The following ZNF804A variants were observed in gnomAD, a reference collection of about 807,000 sequenced individuals.
ZNF804A encodes zinc finger protein 804A.
Under a neutral mutation model 16.5 loss-of-function variants are expected in ZNF804A, and 2 were observed. The ratio of observed to expected loss-of-function variants is 0.12; its 90% CI spans 0.05 to 0.38. ZNF804A has a LOEUF of 0.38. ZNF804A is among the 10% of genes least tolerant of loss of function. The probability of loss-of-function intolerance (pLI) is 0.99; values close to 1 mark genes in which losing one functional copy is unlikely to be tolerated. For missense variants in ZNF804A, 1,473 were observed against 1,390.7 expected (o/e 1.06, Z -0.94); for synonymous variants, 534 against 489.6 (o/e 1.09, Z -1.20).
intron 2 of ZNF804A, among the ~76,000 whole-genome samples, chr2:184,870,181 A>T (rs1695952662): frequency 6.6e-6 from 1 of 152,018 alleles, no homozygotes; most frequent in Non-Finnish European, 1.5e-5. Flanking sequence ...ATTCATTTTG[A>T]GATTTTATAT....
chr2:184,611,435 G>A (rs983454512), intron 1 of ZNF804A, among the ~76,000 whole-genome samples: 1 of 151,632 alleles, frequency 6.6e-6, no homozygotes, highest in African/African-American at 2.4e-5. Flanking sequence ...TTTAGGGCAT[G>A]AATATTTAGC....
At chr2:184,819,767 C>T (rs1390018820) in intron 1 of ZNF804A, among the ~76,000 whole-genome samples, 1 of 151,964 alleles carries the variant, frequency 6.6e-6, no homozygotes, top group Non-Finnish European at 1.5e-5. Flanking sequence ...ATAAAAACAA[C>T]CATCACAGAA....
At chr2:184,652,227 G>A (rs148620200) in intron 1 of ZNF804A, among the ~76,000 whole-genome samples, 107 of 152,156 alleles carry the variant, frequency 7.0e-4, no homozygotes, top group African/African-American at 2.5e-3. Flanking sequence ...ATAAATTTGA[G>A]CTAAATATTG....
At chr2:184,728,823 T>C (rs1693465022) in intron 1 of ZNF804A, among the ~76,000 whole-genome samples, 1 of 151,988 alleles carries the variant, frequency 6.6e-6, no homozygotes, top group East Asian at 1.9e-4. Context: ...TTATATATAC[T>C]ACATTTTTTA....
chr2:184,731,266 A>G (rs1422383248), intron 1 of ZNF804A, among the ~76,000 whole-genome samples: 1 of 147,214 alleles, frequency 6.8e-6, no homozygotes, highest in African/African-American at 2.5e-5. Flanking sequence ...AAAAAAAAAA[A>G]AAAAAAAAAA....
intron 2 of ZNF804A, among the ~76,000 whole-genome samples, chr2:184,892,562 G>GCAACCTC (rs1369014558): frequency 1.5e-5 from 2 of 134,264 alleles, no homozygotes; most frequent in Non-Finnish European, 3.1e-5. Context: ...TCGGCTTACT[G>GCAACCTC]CAACCTCCGC....
intron 1 of ZNF804A, among the ~76,000 whole-genome samples, chr2:184,622,557 A>G (rs1283400126): frequency 2.0e-5 from 3 of 151,852 alleles, no homozygotes; most frequent in Admixed American, 2.0e-4. Context: ...CTTTCATTCT[A>G]TTGAAACCAA....
chr2:184,831,286 T>C (rs1695258662), intron 1 of ZNF804A, among the ~76,000 whole-genome samples: 1 of 152,030 alleles, frequency 6.6e-6, no homozygotes, highest in South Asian at 2.1e-4. Flanking sequence ...TCAGTTTTTT[T>C]TGCATTTTTT....
At chr2:184,638,670 G>A (rs1691742467) in intron 1 of ZNF804A, among the ~76,000 whole-genome samples, 1 of 152,100 alleles carries the variant, frequency 6.6e-6, no homozygotes, top group East Asian at 1.9e-4. Flanking sequence ...ATTATGGATT[G>A]TCACTGAATG....
chr2:184,860,722 A>G (rs776124005), intron 1 of ZNF804A, among the ~76,000 whole-genome samples: 1 of 152,226 alleles, frequency 6.6e-6, no homozygotes, highest in African/African-American at 2.4e-5. Context: ...AGGCAGTGGC[A>G]TGGCAATGGC....
intron 1 of ZNF804A, among the ~76,000 whole-genome samples, chr2:184,678,670 A>G (rs1692481101): frequency 1.3e-5 from 2 of 152,150 alleles, no homozygotes; most frequent in Admixed American, 6.6e-5. Flanking sequence ...CCAAATAATA[A>G]TCTTCTACCT....
chr2:184,625,071 A>T (rs942350613), intron 1 of ZNF804A, among the ~76,000 whole-genome samples: 1 of 152,170 alleles, frequency 6.6e-6, no homozygotes, highest in East Asian at 1.9e-4. Flanking sequence ...AAACAATTTA[A>T]TCTTTCAGAA....
intron 1 of ZNF804A, among the ~76,000 whole-genome samples, chr2:184,742,664 A>C (rs2105753631): frequency 7.6e-6 from 1 of 131,058 alleles, no homozygotes; most frequent in Admixed American, 7.0e-5. Context: ...AAATATTTGT[A>C]AATTATTTGT....
chr2:184,726,732 T>C (rs1693418360), intron 1 of ZNF804A, among the ~76,000 whole-genome samples: 1 of 151,556 alleles, frequency 6.6e-6, no homozygotes, highest in African/African-American at 2.4e-5. Flanking sequence ...ATTTATTATT[T>C]AAATATATAT....
At position 184,604,146 on chromosome 2, in the gene ZNF804A, C is replaced by CTTTTT. The variant is rs759053144; in HGVS notation, c.111+5113_111+5117dup. The stretch of plus-strand genomic sequence containing the variant: ...TTCAGGTTATGGATGACTGCAATTA[C>CTTTTT]TTTTTTTTTTTTTTTTTTTTTTTTT... On this transcript the variant is annotated intron_variant, in intron 1 of 3. Coordinates refer to ENST00000302277, the MANE Select transcript of ZNF804A (RefSeq NM_194250.2). Among the ~76,000 whole-genome samples the CTTTTT allele has an allele frequency of 7.7e-3, 346 of 44,890 alleles. 116 individuals are homozygous for CTTTTT. The highest frequency in any genetic ancestry group is 0.011 in the Non-Finnish European group (247 of 22,810). The allele number at this position is 44,890 out of a possible 152,430, so 29.4% of individuals were successfully genotyped here. A position where few individuals can be genotyped will look rare whatever the true frequency, so the allele number is the denominator to read the frequency against.
chr2:184,857,862 C>A (rs1455385115), intron 1 of ZNF804A, among the ~76,000 whole-genome samples: 2 of 151,928 alleles, frequency 1.3e-5, no homozygotes, highest in African/African-American at 4.8e-5. Context: ...TGAAATGAAT[C>A]TCTTAAAGGA....
At chr2:184,928,607 G>A (rs577199647) in intron 2 of ZNF804A, among the ~76,000 whole-genome samples, 12 of 152,050 alleles carry the variant, frequency 7.9e-5, no homozygotes, top group Non-Finnish European at 1.5e-4. Context: ...AGACTGCCGC[G>A]AGTTGAATAA....
chr2:184,631,717 T>C (rs1436929955), intron 1 of ZNF804A, among the ~76,000 whole-genome samples: 2 of 152,218 alleles, frequency 1.3e-5, no homozygotes, highest in Non-Finnish European at 2.9e-5. Context: ...GTTATGTTGA[T>C]GTCTAATTTT....
chr2:184,731,650 G>T (rs1284072117), intron 1 of ZNF804A, among the ~76,000 whole-genome samples: 2 of 143,562 alleles, frequency 1.4e-5, no homozygotes, highest in Admixed American at 7.4e-5. Flanking sequence ...TCTCACTGCA[G>T]CCTCAACCTC....
Sources: allele counts gnomAD v4.1 joint callset (sites outside exome capture counted in the v4.1 genomes callset), GRCh38; gene constraint gnomAD v4.1.1; transcripts MANE v1.5; gene names NCBI Gene and HGNC (gene_info 2026-07-23, HGNC 2026-07-21).